The following ZNF385B variants were observed in gnomAD, a reference collection of about 807,000 sequenced individuals.
ZNF385B encodes zinc finger protein 533.
ZNF385B carries 23 observed loss-of-function variants against 39.2 expected under a neutral mutation model. That is an observed-to-expected ratio of 0.59 (90% CI 0.42 to 0.83). The LOEUF (loss-of-function observed/expected upper bound fraction) is 0.83. ZNF385B is among the 40% of genes least tolerant of loss of function. The probability of loss-of-function intolerance (pLI) is 0.00; values close to 1 mark genes in which losing one functional copy is unlikely to be tolerated. For missense variants in ZNF385B, 552 were observed against 598.9 expected (o/e 0.92, Z 0.82); for synonymous variants, 205 against 222.6 (o/e 0.92, Z 0.70).
intron 3 of ZNF385B, among the ~76,000 whole-genome samples, chr2:179,582,879 C>T (rs943276120): frequency 7.9e-5 from 12 of 152,044 alleles, no homozygotes; most frequent in African/African-American, 1.4e-4. Context: ...GATGGAGTTT[C>T]GCTGTTATTG....
At chr2:179,858,476 T>A (rs147531336) in intron 1 of ZNF385B, among the ~76,000 whole-genome samples, 2 of 150,884 alleles carry the variant, frequency 1.3e-5, no homozygotes, top group South Asian at 2.1e-4. Flanking sequence ...AAGAAACAAC[T>A]GAATAAAAAG....
intron 1 of ZNF385B, among the ~76,000 whole-genome samples, chr2:179,790,262 G>T (rs1273558886): frequency 6.6e-6 from 1 of 152,148 alleles, no homozygotes; most frequent in Non-Finnish European, 1.5e-5. Flanking sequence ...ATTTCCTAAT[G>T]CTCTTATGCT....
chr2:179,804,144 G>C (rs1010751462), intron 1 of ZNF385B, among the ~76,000 whole-genome samples: 2 of 152,128 alleles, frequency 1.3e-5, no homozygotes, highest in Non-Finnish European at 2.9e-5. Flanking sequence ...TGTATCCAAA[G>C]GGAACCTTAT....
At chr2:179,474,624 ATGT>A (rs1312080136) in intron 6 of ZNF385B, among the ~76,000 whole-genome samples, 1 of 152,160 alleles carries the variant, frequency 6.6e-6, no homozygotes, top group East Asian at 1.9e-4. Flanking sequence ...ATTCAGTTAC[ATGT>A]TATTATTAGT....
intron 5 of ZNF385B, among the ~76,000 whole-genome samples, chr2:179,485,409 C>T (rs1286403466): frequency 6.6e-6 from 1 of 152,146 alleles, no homozygotes; most frequent in East Asian, 1.9e-4. Context: ...AGTGTTTCTT[C>T]TGACTTTCCT....
chr2:179,769,342 G>A (rs1400950322), intron 3 of ZNF385B, among the ~76,000 whole-genome samples, 161 bp downstream of exon 3: 1 of 152,182 alleles, frequency 6.6e-6, no homozygotes, highest in Non-Finnish European at 1.5e-5. Flanking sequence ...ATTTCGAGAG[G>A]TGACAAACAG....
intron 1 of ZNF385B, among the ~76,000 whole-genome samples, chr2:179,804,542 A>T (rs1706232023): frequency 6.6e-6 from 1 of 152,010 alleles, no homozygotes; most frequent in South Asian, 2.1e-4. Context: ...TTCAAATTTA[A>T]CTCTGATGCT....
intron 3 of ZNF385B, among the ~76,000 whole-genome samples, chr2:179,577,318 T>G (rs1685948829): frequency 6.6e-6 from 1 of 152,200 alleles, no homozygotes; most frequent in Non-Finnish European, 1.5e-5. Flanking sequence ...AAGCTACTTC[T>G]AGTTCATTAG....
intron 6 of ZNF385B, among the ~76,000 whole-genome samples, chr2:179,450,652 G>T (rs530585635): frequency 6.6e-6 from 1 of 151,924 alleles, no homozygotes; most frequent in Non-Finnish European, 1.5e-5. Flanking sequence ...ACTGTTGGTG[G>T]GACTGTAAAC....
intron 3 of ZNF385B, among the ~76,000 whole-genome samples, chr2:179,650,281 G>A (rs942777319): frequency 2.0e-5 from 3 of 152,108 alleles, no homozygotes; most frequent in African/African-American, 7.2e-5. Flanking sequence ...ACATATTTTG[G>A]GAAAGGATGC....
chr2:179,463,145 T>C (rs1279052983), intron 6 of ZNF385B, among the ~76,000 whole-genome samples: 1 of 152,122 alleles, frequency 6.6e-6, no homozygotes, highest in East Asian at 1.9e-4. Flanking sequence ...TCCATGCAGA[T>C]AAAACTTCTG....
chr2:179,490,624 A>AT (rs1287640200), intron 5 of ZNF385B, among the ~76,000 whole-genome samples: 1 of 152,086 alleles, frequency 6.6e-6, no homozygotes, highest in Non-Finnish European at 1.5e-5. Flanking sequence ...ATAGTAAAAA[A>AT]AAAAAAGTGC....
At chr2:179,745,947 C>T in intron 3 of ZNF385B, 2 of 1,233,806 alleles carry the variant, frequency 1.6e-6, no homozygotes, top group Non-Finnish European at 2.0e-6. Flanking sequence ...ATGCTGGCAA[C>T]ATTTTAGGGA....
Position 179,576,439 on chromosome 2 carries a change from C to T in ZNF385B, c.299-31470G>A, listed in dbSNP as rs147153718. 4.8e-4 allele frequency among the ~76,000 whole-genome samples: 73 copies of T among 152,284 alleles called. 1 individual carries two copies. The East Asian group carries it at 0.013, about 27-fold the overall frequency. Reference sequence around the variant, plus strand: ...GGTACCCATGCCCATGGAGCTTCACCTTCATCATGTCATTTACACTAACAT... The same window carrying T: ...GGTACCCATGCCCATGGAGCTTCACTTTCATCATGTCATTTACACTAACAT... On this transcript the variant is annotated intron_variant, in intron 3 of 9. Coordinates refer to ENST00000410066, the MANE Select transcript of ZNF385B (RefSeq NM_152520.6).
chr2:179,845,811 G>C (rs1708772373), intron 1 of ZNF385B, among the ~76,000 whole-genome samples: 1 of 152,150 alleles, frequency 6.6e-6, no homozygotes, highest in African/African-American at 2.4e-5. Context: ...AGATGCCCTA[G>C]AATTTAAAGT....
chr2:179,526,327 C>T (rs903033031), intron 4 of ZNF385B, among the ~76,000 whole-genome samples: 4 of 152,082 alleles, frequency 2.6e-5, no homozygotes, highest in Non-Finnish European at 4.4e-5. Flanking sequence ...CGGTGGCTCA[C>T]GCCTATAATC....
intron 1 of ZNF385B, among the ~76,000 whole-genome samples, chr2:179,850,955 T>C (rs940065000): frequency 1.3e-5 from 2 of 152,224 alleles, no homozygotes; most frequent in South Asian, 2.1e-4. Context: ...ATTTTTTCCT[T>C]AACGTTAGAA....
At position 179,743,107 on chromosome 2, in the gene ZNF385B, T is replaced by C. The variant is rs150099506; in HGVS notation, c.298+26396A>G. Among the ~76,000 whole-genome samples the C allele has an allele frequency of 2.8e-4, 42 of 152,184 alleles. No individual in the cohort carries two copies. In the East Asian group the frequency reaches 5.6e-3, roughly 20 times the overall value. On this transcript the variant is annotated intron_variant, in intron 3 of 9. Transcript: ENST00000410066. Reference sequence around the variant, plus strand: ...TTCTAAAACTTTTTTAAAAAGATTTTCATTTATTAAACATGTTATATCATC... The same window carrying C: ...TTCTAAAACTTTTTTAAAAAGATTTCCATTTATTAAACATGTTATATCATC...
In ZNF385B at chr2:179,828,600, G is replaced by T. The variant is rs566742448; in HGVS notation, c.-155+32501C>A. On this transcript the variant is annotated intron_variant, in intron 1 of 9. Coordinates refer to ENST00000410066, the MANE Select transcript of ZNF385B (RefSeq NM_152520.6). ...TGAGTGGCTACATTATTGGAAAAAA[G>T]AATACCAAGACAATCAAAAAGGGAA... 2.0e-5 allele frequency among the ~76,000 whole-genome samples: 3 copies of T among 152,164 alleles called. No individual in the cohort carries two copies. The South Asian group carries it at 6.2e-4, about 32-fold the overall frequency.
Sources: allele counts gnomAD v4.1 joint callset (sites outside exome capture counted in the v4.1 genomes callset), GRCh38; gene constraint gnomAD v4.1.1; transcripts MANE v1.5; gene names NCBI Gene and HGNC (gene_info 2026-07-23, HGNC 2026-07-21).